PHF12: variants seen among roughly 807,000 people sequenced by gnomAD.
The protein encoded by PHF12 is PHD finger protein 12, also known as PHD factor 1.
PHF12 carries 6 observed loss-of-function variants against 99.8 expected under a neutral mutation model. The ratio of observed to expected loss-of-function variants is 0.06; its 90% CI spans 0.03 to 0.12. The LOEUF (loss-of-function observed/expected upper bound fraction) is 0.12, where lower values mean the gene tolerates loss of function less well. PHF12 is among the 10% of genes least tolerant of loss of function. The pLI, the probability that PHF12 is intolerant of heterozygous loss-of-function variation, is 1.00. For missense variants in PHF12, 954 were observed against 1,300.1 expected (o/e 0.73, Z 4.09); for synonymous variants, 480 against 514.9 (o/e 0.93, Z 0.92).
intron 2 of PHF12, among the ~76,000 whole-genome samples, chr17:28,942,542 G>C (rs898987646): frequency 1.3e-5 from 2 of 152,010 alleles, no homozygotes; most frequent in African/African-American, 4.8e-5. Flanking sequence ...AATAGGCCAG[G>C]TGCGGTGGCT....
intron 4 of PHF12, 100 bp downstream of exon 4, chr17:28,923,809 A>G: frequency 7.2e-7 from 1 of 1,383,934 alleles, no homozygotes; most frequent in Non-Finnish European, 9.7e-7. Context: ...AACCCAAGAC[A>G]GTAGCTACAT....
chr17:28,944,662 C>G (rs2040689066), intron 2 of PHF12: 1 of 208,220 alleles, frequency 4.8e-6, no homozygotes, highest in Non-Finnish European at 8.4e-6. Context: ...AGAAAAAAAA[C>G]AAAGACAATA....
At chr17:28,919,797 G>C (rs2040129098) in intron 5 of PHF12, among the ~76,000 whole-genome samples, 1 of 152,098 alleles carries the variant, frequency 6.6e-6, no homozygotes, top group South Asian at 2.1e-4. Flanking sequence ...GGATTTGGGG[G>C]CTCCCATTAG....
chr17:28,906,612 C>A lies in PHF12; in HGVS notation c.2681-95G>T. On this transcript the variant is annotated intron_variant, in intron 14 of 14. Transcript: ENST00000332830. This position sits in a 1 kb window ranked among gnomAD's most constrained non-coding sequence, Gnocchi z 4.2. ...GTTGGGCTCCTGCATCTCCCCATTC[C>A]AACTGCTGCATGACTAGGGAGGAAG... The A allele has an allele frequency of 7.3e-7, 1 of 1,360,760 alleles. No individual in the cohort carries two copies. Among genetic ancestry groups the A allele is most frequent in the Non-Finnish European group, 1.0e-6 (1 of 998,480 alleles). 84.3% of individuals were successfully genotyped at this position (1,360,760 alleles called of 1,614,324 possible).
intron 2 of PHF12, among the ~76,000 whole-genome samples, chr17:28,935,860 G>C (rs1186555436): frequency 1.3e-5 from 2 of 152,140 alleles, no homozygotes; most frequent in East Asian, 3.8e-4. Flanking sequence ...AGGTTATCTA[G>C]ATCAGTCTAT....
At chr17:28,934,913 TA>T in intron 2 of PHF12, among the ~76,000 whole-genome samples, 2 of 152,362 alleles carry the variant, frequency 1.3e-5, no homozygotes, top group South Asian at 2.1e-4. Flanking sequence ...TTTGAACCTT[TA>T]GATTCCTTCT....
At position 28,906,742 on chromosome 17, in the gene PHF12, A is replaced by C; in HGVS notation, c.2680+114T>G. On this transcript the variant is annotated intron_variant, in intron 14 of 14. Transcript: ENST00000332830. This position sits in a 1 kb window ranked among gnomAD's most constrained non-coding sequence, Gnocchi z 4.2. ...GTGGCCTGCCCTGGGCCCACGAGGA[A>C]GTAGAGCTTGGCCAATAGGACTGGG... The C allele has an allele frequency of 6.9e-7, 1 of 1,441,728 alleles. No individual in the cohort carries two copies. Among genetic ancestry groups the C allele is most frequent in the Non-Finnish European group, 9.4e-7 (1 of 1,067,740 alleles). 89.3% of individuals were successfully genotyped at this position (1,441,728 alleles called of 1,614,324 possible). A position where few individuals can be genotyped will look rare whatever the true frequency, so the allele number is the denominator to read the frequency against.
chr17:28,940,135 A>G (rs568262481), intron 2 of PHF12, among the ~76,000 whole-genome samples: 24 of 152,230 alleles, frequency 1.6e-4, no homozygotes, highest in Non-Finnish European at 1.3e-4. Flanking sequence ...ACTTAAAAGA[A>G]AGCAAATGTA....
chr17:28,919,837 A>C (rs2040130110), intron 5 of PHF12, among the ~76,000 whole-genome samples: 1 of 152,250 alleles, frequency 6.6e-6, no homozygotes, highest in Non-Finnish European at 1.5e-5. Flanking sequence ...TCTAAGAAGA[A>C]CATGTCTTGC....
At chr17:28,908,394 G>T in intron 12 of PHF12, 1 of 191,414 alleles carries the variant, frequency 5.2e-6, no homozygotes. Flanking sequence ...GCACAAAAAG[G>T]ATCACTGCCT....
At chr17:28,928,100 A>C (rs2040318555) in intron 2 of PHF12, 1 of 152,220 alleles carries the variant, frequency 6.6e-6, no homozygotes, top group Non-Finnish European at 1.5e-5. Flanking sequence ...AACAGAGTGA[A>C]ACTCCATCTT....
chr17:28,934,603 CTTTTCTATTTTTTTTTT>C (rs2040473015), intron 2 of PHF12, among the ~76,000 whole-genome samples: 2 of 148,048 alleles, frequency 1.4e-5, no homozygotes, highest in Non-Finnish European at 3.0e-5. Flanking sequence ...TTCTTTTTTT[CTTTTCTATTTTTTTTTT>C]TTTTTTTTGA....
chr17:28,926,996 G>C lies in PHF12; in HGVS notation c.316C>G (p.Arg106Gly), dbSNP rs1567962699. The C allele has an allele frequency of 6.2e-7, 1 of 1,613,942 alleles. No homozygotes were observed. Among genetic ancestry groups the C allele is most frequent in the Non-Finnish European group, 8.5e-7 (1 of 1,179,860 alleles). The change falls in exon 3 of 15, where the codon CGA becomes GGA. Residue 106 changes from arginine (R) to glycine (G), a missense_variant. Coordinates refer to ENST00000332830, the MANE Select transcript of PHF12 (RefSeq NM_001033561.2). The stretch of plus-strand genomic sequence containing the variant: ...TCAGAAAGCAGCATTATTACCTTTC[G>C]GCGAACAGTGCACCGGTGACACATC... ...EWMCHRCTVR[R>G]KKREQKKELG...
chr17:28,924,583 TACA>T (rs2040231818), intron 3 of PHF12: 3 of 487,078 alleles, frequency 6.2e-6, no homozygotes, highest in Non-Finnish European at 1.1e-5. Context: ...TTGTATGACA[TACA>T]ACATCTATAA....
intron 2 of PHF12, chr17:28,944,498 A>T (rs2040685068): frequency 1.0e-6 from 1 of 983,760 alleles, no homozygotes; most frequent in Admixed American, 6.2e-5. Context: ...AAAATTGAAC[A>T]TTACCGTATC....
intron 3 of PHF12, chr17:28,924,765 A>T (rs1236422608): frequency 4.8e-6 from 1 of 209,272 alleles, no homozygotes; most frequent in East Asian, 1.3e-4. Flanking sequence ...AGCCTGGCCA[A>T]CATGGTGAAA....
In PHF12 at chr17:28,906,322, T is replaced by C. The variant is rs370150123; in HGVS notation, c.2876A>G (p.Gln959Arg). ...HGSYIKLGCL[Q>R]FVFSITEFAT... is the part of the protein sequence containing the mutation. ...AAACTCAGTGATGCTGAAGACAAAC[T>C]GCAGGCAGCCCAGCTTGATGTAGCT... Residue 959 changes from glutamine (Q) to arginine (R), a missense_variant, in exon 15 of 15, where the codon CAG becomes CGG. Transcript: ENST00000332830. The surrounding 1 kb of genome is among the most constrained non-coding windows in gnomAD (Gnocchi z 4.2). 218 of 1,614,096 alleles carry C rather than the reference T, an allele frequency of 1.4e-4. No individual in the cohort carries two copies. Among genetic ancestry groups the C allele is most frequent in the Non-Finnish European group, 1.8e-4 (209 of 1,180,020 alleles).
At chr17:28,926,664 G>T in intron 3 of PHF12, 2 of 735,954 alleles carry the variant, frequency 2.7e-6, no homozygotes, top group Non-Finnish European at 4.0e-6. Context: ...TTTCCATCAA[G>T]CTGGAGAAGC....
chr17:28,916,160 G>C (rs1388919550), intron 7 of PHF12, among the ~76,000 whole-genome samples: 1 of 152,224 alleles, frequency 6.6e-6, no homozygotes, highest in African/African-American at 2.4e-5. Flanking sequence ...CATCTTGCTA[G>C]TGCTGATACC....
Sources: gnomAD v4.1 joint callset for allele counts (sites outside exome capture counted in the v4.1 genomes callset) on GRCh38, gnomAD v4.1.1 for gene constraint, Gnocchi (gnomAD v3.1) non-coding constraint, MANE v1.5 for transcripts, NCBI Gene and HGNC (gene_info 2026-07-23, HGNC 2026-07-21) for gene names.